The following MOV10L1 variants were observed in gnomAD, a reference collection of about 807,000 sequenced individuals.
The protein encoded by MOV10L1 is Mov10 like RNA helicase 1.
A neutral mutation model predicts 143.8 loss-of-function variants in MOV10L1; 110 were observed. The observed-to-expected ratio is 0.76, with a 90% CI of 0.66 to 0.90. MOV10L1 has a LOEUF of 0.90. MOV10L1 is among the 40% of genes least tolerant of loss of function. The pLI is 0.00. For synonymous variants in MOV10L1, 593 were observed against 581.1 expected (o/e 1.02, Z -0.29); for missense variants, 1,406 against 1,526.8 (o/e 0.92, Z 1.32).
At chr22:50,131,776 G>A (rs2062685807) in intron 13 of MOV10L1, among the ~76,000 whole-genome samples, 1 of 151,538 alleles carries the variant, frequency 6.6e-6, no homozygotes, top group South Asian at 2.1e-4. Flanking sequence ...TGTTTCTGAA[G>A]ACTCTCTGTT....
At chr22:50,137,280 A>G (rs2062846301) in intron 15 of MOV10L1, among the ~76,000 whole-genome samples, 1 of 152,244 alleles carries the variant, frequency 6.6e-6, no homozygotes, top group African/African-American at 2.4e-5. Context: ...TCAAGAAAGT[A>G]GAAGACATGA....
intron 21 of MOV10L1, 21 bp from the exon 22 acceptor site, chr22:50,153,024 C>G: frequency 6.3e-7 from 1 of 1,581,836 alleles, no homozygotes; most frequent in Non-Finnish European, 8.6e-7. Context: ...CCCCTTGTGA[C>G]CCATCACCAT....
Position 50,161,389 on chromosome 22 carries a change from C to T in MOV10L1, c.3576C>T (p.Asp1192=). The part of the protein sequence containing the change: ...SLQNCGEGVA[D]PSYPVVPEST... ...ACAGCTGTGGCGAGGGGGTGGCAGA[C>T]CCCTCCTACCCAGTGGTGCCAGAAT... Residue 1192 remains aspartate, a synonymous_variant, in exon 27 of 27, where the codon GAC becomes GAT. Coordinates refer to ENST00000262794, the MANE Select transcript of MOV10L1 (RefSeq NM_018995.3). 1 of 1,600,274 alleles carries T rather than the reference C, an allele frequency of 6.2e-7. No homozygotes were observed. The highest frequency in any genetic ancestry group is 8.5e-7 in the Non-Finnish European group (1 of 1,173,750).
intron 22 of MOV10L1, among the ~76,000 whole-genome samples, chr22:50,155,544 T>A (rs931274854): frequency 6.6e-6 from 1 of 152,130 alleles, no homozygotes; most frequent in Admixed American, 6.6e-5. Flanking sequence ...GGTGCAATCT[T>A]GGCTCACTGC....
chr22:50,101,839 C>G (rs532820774), intron 3 of MOV10L1, among the ~76,000 whole-genome samples: 12 of 152,060 alleles, frequency 7.9e-5, no homozygotes, highest in Non-Finnish European at 1.5e-4. Flanking sequence ...CCCTGGGATC[C>G]CCAAGATGAA....
intron 3 of MOV10L1, among the ~76,000 whole-genome samples, chr22:50,100,481 C>T (rs960784919): frequency 3.3e-5 from 5 of 151,988 alleles, no homozygotes; most frequent in African/African-American, 9.7e-5. Context: ...TGACATTGTA[C>T]GTTTCCTAAA....
intron 11 of MOV10L1, 117 bp downstream of exon 11, chr22:50,125,686 GT>G: frequency 1.8e-6 from 2 of 1,124,590 alleles, no homozygotes; most frequent in Non-Finnish European, 2.5e-6. Context: ...TTTCTTTTGG[GT>G]TAGAATTTCA....
chr22:50,145,675 C>T lies in MOV10L1; in HGVS notation c.2506-14C>T, dbSNP rs2063133164. ...TTGGAGGAGTAAACTAACTCTACGCCTCCTTGCCCCCAGATAGTTATTGAC... is the reference window on the plus strand; with the variant it reads ...TTGGAGGAGTAAACTAACTCTACGCTTCCTTGCCCCCAGATAGTTATTGAC... On this transcript the variant is annotated splice_polypyrimidine_tract_variant and intron_variant, in intron 18 of 26. Coordinates refer to ENST00000262794, the MANE Select transcript of MOV10L1 (RefSeq NM_018995.3). The T allele has an allele frequency of 3.7e-6, 6 of 1,613,714 alleles. No homozygotes were observed. The highest frequency in any genetic ancestry group is 5.1e-6 in the Non-Finnish European group (6 of 1,179,904).
intron 3 of MOV10L1, among the ~76,000 whole-genome samples, chr22:50,102,991 C>T (rs995213289): frequency 5.9e-5 from 9 of 152,120 alleles, no homozygotes; most frequent in African/African-American, 1.9e-4. Context: ...GTTTGGAGTT[C>T]CTTCCTGCGT....
At chr22:50,128,022 T>G (rs1158317182) in intron 12 of MOV10L1, among the ~76,000 whole-genome samples, 2 of 152,192 alleles carry the variant, frequency 1.3e-5, no homozygotes, top group African/African-American at 2.4e-5. Context: ...TCCGCCCACC[T>G]TGGCCTCCCA....
intron 3 of MOV10L1, 45 bp downstream of exon 3, chr22:50,099,647 C>T: frequency 6.4e-7 from 1 of 1,574,542 alleles, no homozygotes; most frequent in Non-Finnish European, 8.7e-7. Flanking sequence ...TAGGTTTTGT[C>T]TTTTAAAGAA....
intron 26 of MOV10L1, 138 bp from the exon 27 acceptor site, chr22:50,161,230 G>T: frequency 1.0e-6 from 1 of 988,438 alleles, no homozygotes; most frequent in East Asian, 2.5e-5. Context: ...TGGACATTTG[G>T]GGTCATGTCA....
chr22:50,107,694 C>T (rs2061910527), intron 3 of MOV10L1, among the ~76,000 whole-genome samples: 1 of 152,200 alleles, frequency 6.6e-6, no homozygotes, highest in Non-Finnish European at 1.5e-5. Flanking sequence ...TGGACCACAG[C>T]ACAGCTCTCT....
At chr22:50,141,973 A>C in intron 15 of MOV10L1, 108 bp from the exon 16 acceptor site, 1 of 720,864 alleles carries the variant, frequency 1.4e-6, no homozygotes. Flanking sequence ...AAGAGCTGTT[A>C]AATAAATATA....
intron 15 of MOV10L1, among the ~76,000 whole-genome samples, chr22:50,136,096 G>A (rs921920278): frequency 2.0e-5 from 3 of 152,088 alleles, no homozygotes; most frequent in South Asian, 4.2e-4. Context: ...TGGAAAATAC[G>A]ACAAATGAAG....
chr22:50,100,885 G>A (rs192455912), intron 3 of MOV10L1, among the ~76,000 whole-genome samples: 72 of 152,350 alleles, frequency 4.7e-4, no homozygotes, highest in African/African-American at 1.7e-3. Flanking sequence ...ATATGTCGAT[G>A]TCATTGACTG....
rs781111567 is a variant in MOV10L1 at position 50,157,846 on chromosome 22, C to T, written c.3067-211C>T. On this transcript the variant is annotated intron_variant, in intron 22 of 26. Transcript: ENST00000262794. ...ACCTGAGTGGCGGACTCCTGTGACC[C>T]GTCCTCCTCTGTAGCGTTTAGCATG... 4.2e-4 allele frequency among the ~76,000 whole-genome samples: 64 copies of T among 151,888 alleles called. 1 individual carries two copies. The highest frequency in any genetic ancestry group is 3.5e-3 in the Middle Eastern group (1 of 284).
chr22:50,161,222 G>A (rs1287111232), intron 26 of MOV10L1, 146 bp from the exon 27 acceptor site: 2 of 988,336 alleles, frequency 2.0e-6, no homozygotes, highest in African/African-American at 3.2e-5. Flanking sequence ...CTGTTTCCTG[G>A]ACATTTGGGG....
chr22:50,108,563 T>C, intron 4 of MOV10L1, 94 bp from the exon 5 acceptor site: 4 of 1,377,588 alleles, frequency 2.9e-6, no homozygotes, highest in Non-Finnish European at 4.1e-6. Context: ...CTGGTGCAGC[T>C]TGTGTGCTTT....
Sources: gnomAD v4.1 joint callset for allele counts (sites outside exome capture counted in the v4.1 genomes callset) on GRCh38, gnomAD v4.1.1 for gene constraint, MANE v1.5 for transcripts, NCBI Gene and HGNC (gene_info 2026-07-23, HGNC 2026-07-21) for gene names.